ELAVL4: variants seen among roughly 807,000 people sequenced by gnomAD.
The protein encoded by ELAVL4 is ELAV like RNA binding protein 4.
ELAVL4 carries 1 observed loss-of-function variant against 35.6 expected under a neutral mutation model. The observed-to-expected ratio is 0.03, with a 90% CI of 0.01 to 0.13. ELAVL4 has a LOEUF of 0.13. ELAVL4 is among the 10% of genes least tolerant of loss of function. ELAVL4 has a pLI of 1.00. For missense variants in ELAVL4, 267 were observed against 464.9 expected, an observed-to-expected ratio of 0.57 and a Z score of 3.91; for synonymous variants, 156 against 171.0, an observed-to-expected ratio of 0.91 and a Z score of 0.69.
At chr1:50,112,529 C>A (rs1411214226) in intron 1 of ELAVL4, among the ~76,000 whole-genome samples, 2 of 151,988 alleles carry the variant, frequency 1.3e-5, no homozygotes, top group African/African-American at 4.8e-5. Flanking sequence ...CAAAAAACAT[C>A]TGACTAAGTA....
chr1:50,139,715 G>T (rs1382154467), intron 1 of ELAVL4, among the ~76,000 whole-genome samples: 2 of 152,210 alleles, frequency 1.3e-5, no homozygotes, highest in African/African-American at 2.4e-5. Context: ...GAACAGAGGG[G>T]TGGCTTTTTA....
intron 1 of ELAVL4, among the ~76,000 whole-genome samples, chr1:50,062,467 A>T (rs1280481933): frequency 6.6e-6 from 1 of 151,452 alleles, no homozygotes; most frequent in Non-Finnish European, 1.5e-5. Context: ...TCTTACAGGA[A>T]CCCTCTGCAC....
chr1:50,050,722 T>C (rs955098983), intron 1 of ELAVL4, among the ~76,000 whole-genome samples: 1 of 152,118 alleles, frequency 6.6e-6, no homozygotes, highest in Non-Finnish European at 1.5e-5. Flanking sequence ...TAAAAAAAAT[T>C]GAAATGTTTT....
upstream of ELAVL4, among the ~76,000 whole-genome samples, chr1:50,100,347 T>G (rs1665916158): frequency 1.3e-5 from 2 of 152,312 alleles, no homozygotes; most frequent in Middle Eastern, 3.4e-3. Context: ...TTTATAGCTT[T>G]TAAAAATGGA....
At chr1:50,160,708 GTTAT>G (rs1676649113) in intron 2 of ELAVL4, among the ~76,000 whole-genome samples, 1 of 152,202 alleles carries the variant, frequency 6.6e-6, no homozygotes, top group South Asian at 2.1e-4. Flanking sequence ...GTATGGACAA[GTTAT>G]TTATCTCATC....
At chr1:50,128,648 T>C (rs1006622483) in intron 1 of ELAVL4, among the ~76,000 whole-genome samples, 3 of 151,938 alleles carry the variant, frequency 2.0e-5, no homozygotes, top group Admixed American at 1.3e-4. Context: ...TGATGGGGGA[T>C]TGGAGAAGGG....
upstream of ELAVL4, chr1:50,106,476 G>T: frequency 9.4e-7 from 1 of 1,062,798 alleles, no homozygotes. Context: ...AGTGAGACAA[G>T]TTTCTTTCTG....
rs369336962 is a variant in ELAVL4 at position 50,155,426 on chromosome 1, G to A, written c.250+10229G>A. Among the ~76,000 whole-genome samples the A allele has an allele frequency of 2.6e-5, 4 of 152,018 alleles. No homozygotes were observed. In the East Asian group the frequency reaches 7.7e-4, roughly 29 times the overall value. ...ACTGTAATGCAGGATTGGATAGAAA[G>A]CCTGAAATCATATACATGGAATTTT... On this transcript the variant is annotated intron_variant, in intron 2 of 6. Coordinates refer to ENST00000371824, the MANE Select transcript of ELAVL4 (RefSeq NM_001144774.3).
At chr1:50,095,208 T>C (rs1665670019) in intron 1 of ELAVL4, among the ~76,000 whole-genome samples, 1 of 152,164 alleles carries the variant, frequency 6.6e-6, no homozygotes, top group Admixed American at 6.5e-5. Context: ...AACCCGTCTT[T>C]TGACTCCCAG....
At chr1:50,057,771 C>G (rs1223394625) in intron 1 of ELAVL4, among the ~76,000 whole-genome samples, 1 of 152,124 alleles carries the variant, frequency 6.6e-6, no homozygotes, top group Non-Finnish European at 1.5e-5. Flanking sequence ...ACAAAATTGC[C>G]TGACGTATTT....
chr1:50,170,393 C>G (rs1678786711), intron 2 of ELAVL4, among the ~76,000 whole-genome samples: 1 of 152,170 alleles, frequency 6.6e-6, no homozygotes. Context: ...GCTTTCCCAT[C>G]AGAGCTTCCC....
chr1:50,119,088 GAA>G (rs1214158621), intron 1 of ELAVL4, among the ~76,000 whole-genome samples: 2 of 129,052 alleles, frequency 1.5e-5, no homozygotes, highest in Admixed American at 1.5e-4. Context: ...AAGAAAGAAA[GAA>G]AGAAAAAGAA....
intron 1 of ELAVL4, among the ~76,000 whole-genome samples, chr1:50,056,804 C>T (rs1434476676): frequency 4.0e-5 from 6 of 151,884 alleles, no homozygotes; most frequent in East Asian, 3.9e-4. Context: ...TGGTGGCGGG[C>T]GCCTCTAGTC....
intron 2 of ELAVL4, among the ~76,000 whole-genome samples, chr1:50,146,090 T>A (rs1424653931): frequency 6.6e-6 from 1 of 152,116 alleles, no homozygotes; most frequent in Admixed American, 6.5e-5. Flanking sequence ...TACTTGTCAG[T>A]TTTGAGTATT....
In ELAVL4 at chr1:50,201,875, G is replaced by T. The variant is rs1644408580; in HGVS notation, c.*697G>T. 1 of 151,994 alleles carries T rather than the reference G, an allele frequency of 6.6e-6. No homozygotes were observed. The highest frequency in any genetic ancestry group is 2.1e-4 in the South Asian group (1 of 4,816). The allele number at this position is 151,994 out of a possible 1,614,324, so 9.4% of individuals were successfully genotyped here. A position where few individuals can be genotyped will look rare whatever the true frequency, so the allele number is the denominator to read the frequency against. On this transcript the variant is annotated 3_prime_UTR_variant, in exon 7 of 7. Transcript: ENST00000371824. This position sits in a 1 kb window ranked among gnomAD's most constrained non-coding sequence, Gnocchi z 4.3. ...TAACATTAACATTGTTGCCAAAGAG[G>T]TGGTCTCTTTGCTGAAAATGGGTTT...
At chr1:50,162,527 G>T (rs868619747) in intron 2 of ELAVL4, among the ~76,000 whole-genome samples, 1 of 152,134 alleles carries the variant, frequency 6.6e-6, no homozygotes, top group South Asian at 2.1e-4. Flanking sequence ...AATAACCAAG[G>T]ACTGGCCCAA....
At chr1:50,111,384 T>C (rs1216746255) in intron 1 of ELAVL4, among the ~76,000 whole-genome samples, 1 of 152,026 alleles carries the variant, frequency 6.6e-6, no homozygotes, top group Non-Finnish European at 1.5e-5. Context: ...CCACAGCTGA[T>C]AGGTTCTGCA....
chr1:50,092,912 G>C (rs1312851259), intron 1 of ELAVL4, among the ~76,000 whole-genome samples: 1 of 152,170 alleles, frequency 6.6e-6, no homozygotes, highest in African/African-American at 2.4e-5. Flanking sequence ...ATAAGGACAA[G>C]AGTAACCTGT....
intron 1 of ELAVL4, among the ~76,000 whole-genome samples, chr1:50,062,269 T>C (rs1664025251): frequency 6.6e-6 from 1 of 152,082 alleles, no homozygotes; most frequent in African/African-American, 2.4e-5. Context: ...AATGCAATGA[T>C]GAGATATGTG....
Sources: gnomAD v4.1 joint callset for allele counts (sites outside exome capture counted in the v4.1 genomes callset) on GRCh38, gnomAD v4.1.1 for gene constraint, Gnocchi (gnomAD v3.1) non-coding constraint, MANE v1.5 for transcripts, NCBI Gene and HGNC (gene_info 2026-07-23, HGNC 2026-07-21) for gene names.